Variants in IYD observed in about 807,000 individuals in gnomAD.
The protein encoded by IYD is iodotyrosine deiodinase 1.
In IYD, 25 loss-of-function variants were observed where a neutral mutation model predicts 28.4. The ratio of observed to expected loss-of-function variants is 0.88; its 90% CI spans 0.64 to 1.23. IYD has a LOEUF of 1.23. Ranked by LOEUF, IYD falls within the 50% of genes most tolerant of loss-of-function variation. IYD has a pLI of 0.00. For missense variants in IYD, 352 were observed against 357.9 expected (o/e 0.98, Z 0.13); for synonymous variants, 140 against 130.8 (o/e 1.07, Z -0.48).
chr6:150,370,294 AGT>A (rs60804552), intron 1 of IYD, among the ~76,000 whole-genome samples: 19,953 of 149,594 alleles, frequency 0.13, 2,413 homozygotes, highest in African/African-American at 0.31. Context: ...TGCATGTGTG[AGT>A]GTGTGTGCAT....
intron 1 of IYD, among the ~76,000 whole-genome samples, chr6:150,377,972 C>T (rs1777510249): frequency 6.6e-6 from 1 of 152,138 alleles, no homozygotes; most frequent in African/African-American, 2.4e-5. Flanking sequence ...ATACTTTCTT[C>T]TAAATAGGCC....
At chr6:150,381,353 T>G (rs1397598454) in intron 1 of IYD, among the ~76,000 whole-genome samples, 1 of 152,228 alleles carries the variant, frequency 6.6e-6, no homozygotes, top group Non-Finnish European at 1.5e-5. Context: ...AAATGTCAAG[T>G]GTCTTTTCTC....
intron 1 of IYD, among the ~76,000 whole-genome samples, chr6:150,378,917 T>C (rs1777549714): frequency 6.6e-6 from 1 of 152,200 alleles, no homozygotes; most frequent in African/African-American, 2.4e-5. Context: ...ATAGACTGGA[T>C]TAAGAAAATG....
intron 1 of IYD, chr6:150,370,544 C>G (rs1236105720): frequency 1.0e-6 from 1 of 985,298 alleles, no homozygotes; most frequent in African/African-American, 1.7e-5. Context: ...GTACAGGAGT[C>G]TAGCCTCTCA....
intron 1 of IYD, among the ~76,000 whole-genome samples, chr6:150,385,390 C>T (rs9384473): frequency 0.15 from 22,957 of 151,954 alleles, 3,421 homozygotes; most frequent in African/African-American, 0.37. Flanking sequence ...AAGAAAGTTC[C>T]TTTCTCCAAA....
chr6:150,373,917 A>G (rs1029193077), intron 1 of IYD, among the ~76,000 whole-genome samples: 3 of 152,240 alleles, frequency 2.0e-5, no homozygotes, highest in Non-Finnish European at 2.9e-5. Context: ...TTAAGCTTTT[A>G]GAATAAGAGA....
intron 4 of IYD, 48 bp from the exon 5 acceptor site, chr6:150,398,007 T>C: frequency 6.5e-7 from 1 of 1,546,230 alleles, no homozygotes; most frequent in East Asian, 2.2e-5. Context: ...GGGAGAGCAG[T>C]CATTCTGCCT....
intron 1 of IYD, among the ~76,000 whole-genome samples, chr6:150,385,433 A>T (rs1273225950): frequency 1.3e-5 from 2 of 152,082 alleles, no homozygotes; most frequent in African/African-American, 4.8e-5. Flanking sequence ...GTTTTACTAA[A>T]CACCTTTTCT....
chr6:150,375,133 C>T (rs978997187), intron 1 of IYD, among the ~76,000 whole-genome samples: 2 of 152,128 alleles, frequency 1.3e-5, no homozygotes, highest in Non-Finnish European at 1.5e-5. Flanking sequence ...TTCTGTTGCT[C>T]GATGCACACA....
intron 1 of IYD, among the ~76,000 whole-genome samples, chr6:150,378,308 T>G (rs1777523222): frequency 6.7e-6 from 1 of 149,618 alleles, no homozygotes; most frequent in Non-Finnish European, 1.5e-5. Context: ...TAGGTATATC[T>G]CCTAATGCGA....
chr6:150,382,142 C>T (rs1777668146), intron 1 of IYD, among the ~76,000 whole-genome samples: 1 of 152,146 alleles, frequency 6.6e-6, no homozygotes, highest in Admixed American at 6.5e-5. Flanking sequence ...CGAGATCCCA[C>T]CCCTCCCAGG....
chr6:150,389,651 A>T (rs1778036681), intron 2 of IYD, 108 bp downstream of exon 2: 3 of 1,006,892 alleles, frequency 3.0e-6, no homozygotes, highest in Non-Finnish European at 4.7e-6. Context: ...GCCTAGAGTG[A>T]TATGTTTATC....
chr6:150,392,396 A>C lies in IYD; in HGVS notation c.422A>C (p.Lys141Thr), dbSNP rs1414187688. The C allele has an allele frequency of 2.5e-6, 4 of 1,613,784 alleles. No individual in the cohort carries two copies. Among genetic ancestry groups the C allele is most frequent in the Non-Finnish European group, 2.5e-6 (3 of 1,179,872 alleles). The change falls in exon 3 of 5, where the codon AAG becomes ACG. Residue 141 changes from lysine to threonine, a missense_variant. Physicochemically the swap from Lys to Thr is moderately conservative, Grantham distance 78 (BLOSUM62 -1). Coordinates refer to ENST00000344419, the MANE Select transcript of IYD (RefSeq NM_203395.3). Reference sequence around the variant, plus strand: ...GAGCCCTGGACCTTCGTGGTTGTGAAGGACCCAGACGTGAAGCACAAGATT... The same window carrying C: ...GAGCCCTGGACCTTCGTGGTTGTGACGGACCCAGACGTGAAGCACAAGATT... ...HTEPWTFVVV[K>T]DPDVKHKIRK...
At chr6:150,375,103 G>A (rs377008391) in intron 1 of IYD, among the ~76,000 whole-genome samples, 2 of 152,260 alleles carry the variant, frequency 1.3e-5, no homozygotes, top group Non-Finnish European at 2.9e-5. Context: ...CTATACAGCA[G>A]CCAGATGTCA....
chr6:150,395,375 T>C (rs1183486709), intron 4 of IYD: 3 of 1,525,366 alleles, frequency 2.0e-6, no homozygotes, highest in Non-Finnish European at 1.8e-6. Context: ...CAAAATGTAG[T>C]CATTGAAATG....
rs148768795 is a variant in IYD at position 150,393,911 on chromosome 6, G to A, written c.531-188G>A. ...CCATACTAGGCACTTATTAAGACATGTTTATGAAATTGAATGATCCTGGTC... is the reference window on the plus strand; with the variant it reads ...CCATACTAGGCACTTATTAAGACATATTTATGAAATTGAATGATCCTGGTC... On this transcript the variant is annotated intron_variant, in intron 3 of 4. Coordinates refer to ENST00000344419, the MANE Select transcript of IYD (RefSeq NM_203395.3). Among the ~76,000 whole-genome samples, 1,437 of 152,308 alleles carry A rather than the reference G, an allele frequency of 9.4e-3. 12 individuals are homozygous for A. Among genetic ancestry groups the A allele is most frequent in the South Asian group, 0.019 (94 of 4,826 alleles).
intron 2 of IYD, among the ~76,000 whole-genome samples, chr6:150,391,387 T>C (rs1778113320): frequency 6.6e-6 from 1 of 152,198 alleles, no homozygotes; most frequent in South Asian, 2.1e-4. Flanking sequence ...ACCATGTACA[T>C]TTTGCCTCCT....
At chr6:150,386,855 T>C (rs1777881460) in intron 1 of IYD, among the ~76,000 whole-genome samples, 2 of 152,148 alleles carry the variant, frequency 1.3e-5, no homozygotes, top group Admixed American at 6.5e-5. Flanking sequence ...TATGCTTATG[T>C]TTTAGGTGTA....
At position 150,405,048 on chromosome 6, in the gene IYD, A is replaced by G. The variant is rs1373100980; in HGVS notation, c.*6811A>G. The G allele has an allele frequency of 6.6e-6, 1 of 152,234 alleles. No homozygotes were observed. The highest frequency in any genetic ancestry group is 6.5e-5 in the Admixed American group (1 of 15,288). 9.4% of individuals were successfully genotyped at this position (152,234 alleles called of 1,614,324 possible). A position where few individuals can be genotyped will look rare whatever the true frequency, so the allele number is the denominator to read the frequency against. On this transcript the variant is annotated 3_prime_UTR_variant, in exon 5 of 5. Coordinates refer to ENST00000344419, the MANE Select transcript of IYD (RefSeq NM_203395.3). Reference sequence around the variant, plus strand: ...ACATATTGAATGTGTGCAGAAATATATCTCAATCTAGTCATAAAATTTTAG... The same window carrying G: ...ACATATTGAATGTGTGCAGAAATATGTCTCAATCTAGTCATAAAATTTTAG...
Sources: gnomAD v4.1 joint callset for allele counts (sites outside exome capture counted in the v4.1 genomes callset) on GRCh38, gnomAD v4.1.1 for gene constraint, MANE v1.5 for transcripts, NCBI Gene and HGNC (gene_info 2026-07-23, HGNC 2026-07-21) for gene names.